The following NSUN6 variants were observed in gnomAD, a reference collection of about 807,000 sequenced individuals.
NSUN6 encodes tRNA (cytosine(72)-C(5))-methyltransferase NSUN6.
Under a neutral mutation model 58.0 loss-of-function variants are expected in NSUN6, and 64 were observed. The observed-to-expected ratio is 1.10, with a 90% CI of 0.90 to 1.36. NSUN6 has a LOEUF of 1.36. Ranked by LOEUF, NSUN6 falls within the 40% of genes most tolerant of loss-of-function variation. The pLI is 0.00. For missense variants in NSUN6, 701 were observed against 550.1 expected (o/e 1.27, Z -2.74); for synonymous variants, 231 against 193.9 (o/e 1.19, Z -1.59).
At chr10:18,590,724 A>G (rs2131159478) in intron 7 of NSUN6, among the ~76,000 whole-genome samples, 2 of 152,356 alleles carry the variant, frequency 1.3e-5, no homozygotes, top group Admixed American at 1.3e-4. Flanking sequence ...CAAAGAGACA[A>G]TGTACCAGAA....
intron 8 of NSUN6, among the ~76,000 whole-genome samples, chr10:18,556,362 T>G (rs929916432): frequency 7.0e-6 from 1 of 141,850 alleles, no homozygotes; most frequent in South Asian, 2.2e-4. Context: ...TGGAATGCAA[T>G]AGAGAATGGA....
intron 3 of NSUN6, among the ~76,000 whole-genome samples, chr10:18,618,529 A>G (rs1031531566): frequency 6.6e-6 from 1 of 152,032 alleles, no homozygotes. Context: ...CTAAAAATAC[A>G]AAATTACCCA....
At chr10:18,546,265 A>G in intron 10 of NSUN6, 120 bp from the exon 11 acceptor site, 1 of 750,054 alleles carries the variant, frequency 1.3e-6, no homozygotes, top group Non-Finnish European at 2.4e-6. Context: ...AAATAGAAAA[A>G]TGAGTAAATG....
rs1345472194 is a variant in NSUN6 at position 18,574,621 on chromosome 10, G to A, written c.922+11328C>T. On this transcript the variant is annotated intron_variant, in intron 8 of 10. Transcript: ENST00000377304. ...TTGTAGAAATTGAGTCAGGAAACTT[G>A]CCCAACAGCTGGTCTGCTCAAACGT... Among the ~76,000 whole-genome samples, 5 of 152,112 alleles carry A rather than the reference G, an allele frequency of 3.3e-5. No individual in the cohort carries two copies. The East Asian group carries it at 7.7e-4, about 24-fold the overall frequency.
chr10:18,603,898 A>C (rs1457785326), intron 6 of NSUN6, among the ~76,000 whole-genome samples: 2 of 152,220 alleles, frequency 1.3e-5, no homozygotes, highest in African/African-American at 4.8e-5. Context: ...TAAAAGCATT[A>C]GACTGCCGGG....
intron 2 of NSUN6, among the ~76,000 whole-genome samples, chr10:18,643,362 C>T (rs1001516461): frequency 6.6e-6 from 1 of 151,858 alleles, no homozygotes; most frequent in African/African-American, 2.4e-5. Context: ...AAATATCTGA[C>T]AACAAGTCTG....
Position 18,551,975 on chromosome 10 carries a change from T to A in NSUN6, c.923-4A>T, listed in dbSNP as rs777663827. ...TCTGGTAGAAATGGAGGTTCTCCTA[T>A]AAAGAGAATTATAATCATGTTTACT... On this transcript the variant is annotated splice_region_variant and splice_polypyrimidine_tract_variant and intron_variant, in intron 8 of 10. Transcript: ENST00000377304. 2 of 1,578,512 alleles carry A rather than the reference T, an allele frequency of 1.3e-6. No homozygotes were observed. The highest frequency in any genetic ancestry group is 1.7e-6 in the Non-Finnish European group (2 of 1,150,718).
At chr10:18,572,932 T>C (rs1170492897) in intron 8 of NSUN6, among the ~76,000 whole-genome samples, 1 of 151,476 alleles carries the variant, frequency 6.6e-6, no homozygotes, top group African/African-American at 2.4e-5. Flanking sequence ...TCCATTCCAT[T>C]CCATTCCTTT....
At chr10:18,638,724 G>A (rs573505574) in intron 3 of NSUN6, among the ~76,000 whole-genome samples, 1 of 152,034 alleles carries the variant, frequency 6.6e-6, no homozygotes, top group Non-Finnish European at 1.5e-5. Flanking sequence ...TAAACATAAA[G>A]GCAACAGGCA....
chr10:18,624,915 C>A (rs948549555), intron 3 of NSUN6, among the ~76,000 whole-genome samples: 3 of 152,080 alleles, frequency 2.0e-5, no homozygotes, highest in African/African-American at 7.2e-5. Context: ...CATGTTTATT[C>A]GGAGCACCTG....
At chr10:18,637,208 C>G (rs1285282112) in intron 3 of NSUN6, among the ~76,000 whole-genome samples, 1 of 152,056 alleles carries the variant, frequency 6.6e-6, no homozygotes, top group Non-Finnish European at 1.5e-5. Context: ...GGTGATCCAC[C>G]CCCCTGGGCC....
intron 8 of NSUN6, among the ~76,000 whole-genome samples, chr10:18,577,513 C>T (rs1161364975): frequency 6.6e-6 from 1 of 152,100 alleles, no homozygotes; most frequent in Non-Finnish European, 1.5e-5. Context: ...ATGGCACTTA[C>T]TAAAATCTCC....
At chr10:18,632,102 A>T (rs1011007524) in intron 3 of NSUN6, among the ~76,000 whole-genome samples, 3 of 151,296 alleles carry the variant, frequency 2.0e-5, no homozygotes, top group South Asian at 2.1e-4. Context: ...ATAATGCCGC[A>T]TATCTACAAC....
At chr10:18,598,213 C>T (rs1427458955) in intron 6 of NSUN6, among the ~76,000 whole-genome samples, 2 of 152,184 alleles carry the variant, frequency 1.3e-5, no homozygotes, top group Non-Finnish European at 2.9e-5. Flanking sequence ...CACCCCTGCC[C>T]GCAAAACATT....
intron 8 of NSUN6, among the ~76,000 whole-genome samples, chr10:18,570,947 T>C (rs933650105): frequency 1.3e-5 from 2 of 151,062 alleles, no homozygotes; most frequent in African/African-American, 4.9e-5. Context: ...CTACATTCCA[T>C]GTTCTCTTTT....
chr10:18,605,086 C>T (rs1232876370), intron 6 of NSUN6, among the ~76,000 whole-genome samples: 2 of 151,028 alleles, frequency 1.3e-5, no homozygotes, highest in Non-Finnish European at 2.9e-5. Flanking sequence ...GGGGTTTCAC[C>T]GTGTTAGCCA....
intron 8 of NSUN6, among the ~76,000 whole-genome samples, chr10:18,574,677 A>G (rs567446838): frequency 7.2e-5 from 11 of 152,274 alleles, no homozygotes; most frequent in African/African-American, 2.4e-4. Flanking sequence ...CAAGCCTTAC[A>G]GTACTTACAG....
In NSUN6 at chr10:18,569,058, C is replaced by A. The variant is rs1054171468; in HGVS notation, c.922+16891G>T. Among the ~76,000 whole-genome samples, 6 of 150,688 alleles carry A rather than the reference C, an allele frequency of 4.0e-5. No homozygotes were observed. In the South Asian group the frequency reaches 1.0e-3, roughly 26 times the overall value. ...CTATTCAATTCCATTCCAATCAATT[C>A]TCCATTTCATTCCATTCTCCATTCC... is the stretch of plus-strand genomic sequence containing the variant. On this transcript the variant is annotated intron_variant, in intron 8 of 10. Coordinates refer to ENST00000377304, the MANE Select transcript of NSUN6 (RefSeq NM_182543.5).
At chr10:18,614,690 G>A (rs1249781063) in intron 4 of NSUN6, 77 bp from the exon 5 acceptor site, 16 of 694,292 alleles carry the variant, frequency 2.3e-5, no homozygotes, top group Admixed American at 3.9e-5. Context: ...GAGCTAGATC[G>A]GTGATCTCTA....
Sources: gnomAD v4.1 joint callset for allele counts (sites outside exome capture counted in the v4.1 genomes callset) on GRCh38, gnomAD v4.1.1 for gene constraint, MANE v1.5 for transcripts, NCBI Gene and HGNC (gene_info 2026-07-23, HGNC 2026-07-21) for gene names.